The following PRRC2C variants were observed in gnomAD, a reference collection of about 807,000 sequenced individuals.
PRRC2C encodes proline rich coiled-coil 2C.
In PRRC2C, 72 loss-of-function variants were observed where a neutral mutation model predicts 317.2. The observed-to-expected ratio is 0.23, with a 90% confidence interval of 0.19 to 0.28. PRRC2C has a LOEUF of 0.28. Among genes scored for constraint, PRRC2C ranks in the 10% least tolerant of loss-of-function variants. PRRC2C has a pLI of 1.00. For missense variants in PRRC2C, 3,074 were observed against 3,459.7 expected (o/e 0.89, Z 2.80); for synonymous variants, 1,296 against 1,205.9 (o/e 1.07, Z -1.55).
At chr1:171,511,954 G>A in intron 1 of PRRC2C, 78 bp from the exon 2 acceptor site, 1 of 529,972 alleles carries the variant, frequency 1.9e-6, no homozygotes, top group South Asian at 2.5e-5. Context: ...GATATGGGAA[G>A]TTTTTTCAGA....
chr1:171,529,900 G>C (rs1675448580), intron 11 of PRRC2C, among the ~76,000 whole-genome samples: 1 of 151,980 alleles, frequency 6.6e-6, no homozygotes, highest in Non-Finnish European at 1.5e-5. Flanking sequence ...TTATGATCAG[G>C]GTCTCCAGAC....
intron 1 of PRRC2C, among the ~76,000 whole-genome samples, chr1:171,498,897 G>A (rs891046568): frequency 6.6e-6 from 1 of 152,128 alleles, no homozygotes; most frequent in African/African-American, 2.4e-5. Flanking sequence ...GAACTCCTGG[G>A]TTCAAATGGC....
intron 18 of PRRC2C, among the ~76,000 whole-genome samples, chr1:171,556,558 TG>T (rs1475615128): frequency 1.3e-5 from 2 of 152,222 alleles, no homozygotes; most frequent in Admixed American, 6.5e-5. Flanking sequence ...TGTCTTGGAA[TG>T]GCAACGACTA....
chr1:171,587,268 T>C, intron 31 of PRRC2C, 47 bp downstream of exon 31: 1 of 1,500,378 alleles, frequency 6.7e-7, no homozygotes, highest in East Asian at 2.4e-5. Flanking sequence ...TTTAAGGTAG[T>C]GTGTTCAGAT....
At position 171,577,431 on chromosome 1, in the gene PRRC2C, T is replaced by C. The variant is rs1224045895; in HGVS notation, c.6956-3T>C. The C allele has an allele frequency of 3.1e-6, 5 of 1,592,786 alleles. No individual in the cohort carries two copies. The African/African-American group carries it at 4.0e-5, about 13-fold the overall frequency. On this transcript the variant is annotated splice_polypyrimidine_tract_variant and splice_region_variant and intron_variant, in intron 25 of 34. Coordinates refer to ENST00000647382, the MANE Select transcript of PRRC2C (RefSeq NM_001387844.1). ...TCCCCTTTATTTGCTTCCCCAAATA[T>C]AGGAGCTGGTACATACACTACCTCT...
At chr1:171,539,472 T>G (rs900467709) in intron 15 of PRRC2C, among the ~76,000 whole-genome samples, 44 of 152,232 alleles carry the variant, frequency 2.9e-4, no homozygotes, top group African/African-American at 1.0e-3. Flanking sequence ...TATTTCCTAT[T>G]CTTACCTTTA....
At chr1:171,510,724 T>C (rs1251843788) in intron 1 of PRRC2C, 1 of 152,200 alleles carries the variant, frequency 6.6e-6, no homozygotes, top group Non-Finnish European at 1.5e-5. Context: ...AGATGGTTTA[T>C]TGTAAACGTA....
chr1:171,545,108 A>G (rs902027578), intron 16 of PRRC2C, among the ~76,000 whole-genome samples: 3 of 152,186 alleles, frequency 2.0e-5, no homozygotes, highest in Non-Finnish European at 4.4e-5. Flanking sequence ...TATGCTGCCC[A>G]CTTTTGGAGA....
chr1:171,540,216 T>C lies in PRRC2C; in HGVS notation c.2750T>C (p.Val917Ala). 3 of 1,613,862 alleles carry C rather than the reference T, an allele frequency of 1.9e-6. No individual in the cohort carries two copies. Among genetic ancestry groups the C allele is most frequent in the Non-Finnish European group, 2.5e-6 (3 of 1,179,870 alleles). The part of the protein sequence containing the change: ...SAPQEERISA[V>A]ESQPSRKRSV... ...CCTCAAGAGGAGCGGATTTCAGCTG[T>C]AGAAAGTCAGCCTTCCCGGAAAAGA... Residue 917 changes from valine (V) to alanine (A), a missense_variant, in exon 16 of 35, where the codon GTA (valine) becomes GCA (alanine). Val to Ala is a moderately conservative substitution (Grantham distance 64). This residue lies in a region of PRRC2C where 1,320 missense variants were observed against 1,395.7 expected (regional missense o/e 0.95). Coordinates refer to ENST00000647382, the MANE Select transcript of PRRC2C (RefSeq NM_001387844.1).
At position 171,587,723 on chromosome 1, in the gene PRRC2C, A is replaced by C; in HGVS notation, c.8044A>C (p.Ser2682Arg). 1 of 1,612,786 alleles carries C rather than the reference A, an allele frequency of 6.2e-7. No individual in the cohort carries two copies. The highest frequency in any genetic ancestry group is 8.5e-7 in the Non-Finnish European group (1 of 1,178,896). ...KPGTPPIAGR[S>R]TTPTSSPFRA... is the part of the protein sequence containing the mutation. The stretch of plus-strand genomic sequence containing the variant: ...AGGCACACCTCCAATCGCTGGTAGA[A>C]GCACCACACCAACATCTAGTCCCTT... The change falls in exon 32 of 35, where the codon AGC becomes CGC. Residue 2682 changes from serine to arginine, a missense_variant. Physicochemically the swap from Ser to Arg is moderately radical, Grantham distance 110. Coordinates refer to ENST00000647382, the MANE Select transcript of PRRC2C (RefSeq NM_001387844.1).
intron 23 of PRRC2C, 131 bp from the exon 24 acceptor site, chr1:171,571,189 A>C (rs1260795862): frequency 5.2e-6 from 3 of 574,652 alleles, no homozygotes; most frequent in Non-Finnish European, 9.3e-6. Context: ...GTGACTCTTA[A>C]GTAATCACAT....
intron 18 of PRRC2C, among the ~76,000 whole-genome samples, chr1:171,552,388 T>C (rs1055035251): frequency 2.0e-5 from 3 of 152,222 alleles, no homozygotes; most frequent in East Asian, 1.9e-4. Flanking sequence ...TTTCTAAATA[T>C]ACAGTCATGT....
chr1:171,524,379 C>A (rs1373916473), intron 9 of PRRC2C, among the ~76,000 whole-genome samples: 2 of 152,124 alleles, frequency 1.3e-5, no homozygotes, highest in Non-Finnish European at 2.9e-5. Flanking sequence ...TCAGTTATGG[C>A]ATTGTGACAA....
chr1:171,555,379 GT>G (rs1200225798), intron 18 of PRRC2C, among the ~76,000 whole-genome samples: 1 of 152,094 alleles, frequency 6.6e-6, no homozygotes, highest in East Asian at 1.9e-4. Flanking sequence ...TTTTTTCAAG[GT>G]TTTTAGTTTC....
At position 171,587,684 on chromosome 1, in the gene PRRC2C, A is replaced by G. The variant is rs763477433; in HGVS notation, c.8005A>G (p.Ile2669Val). The G allele has an allele frequency of 5.0e-6, 8 of 1,613,326 alleles. No homozygotes were observed. In the South Asian group the frequency reaches 8.8e-5, roughly 18 times the overall value. Residue 2669 changes from isoleucine to valine, a missense_variant, in exon 32 of 35, where the codon ATT becomes GTT. By Grantham distance (29) the Ile-to-Val change is conservative (BLOSUM62 3). This residue lies in a region of PRRC2C where 490 missense variants were observed against 663.1 expected (regional missense o/e 0.74). Coordinates refer to ENST00000647382, the MANE Select transcript of PRRC2C (RefSeq NM_001387844.1). The part of the protein sequence containing the change: ...EMELKAFGSG[I>V]DIKPGTPPIA... The stretch of plus-strand genomic sequence containing the variant: ...GGAACTAAAAGCCTTTGGAAGTGGC[A>G]TTGATATAAAACCAGGCACACCTCC...
At position 171,587,639 on chromosome 1, in the gene PRRC2C, TCTC is replaced by T; in HGVS notation, c.7969-5_7969-3del. The T allele has an allele frequency of 6.4e-7, 1 of 1,563,964 alleles. No homozygotes were observed. On this transcript the variant is annotated splice_polypyrimidine_tract_variant and splice_region_variant and intron_variant, in intron 31 of 34. Transcript: ENST00000647382. ...AGAAATGTTAAGTTTATTTTATGCT[TCTC>T]CTCAGATGTCTGAAATGGAACTAAA...
intron 19 of PRRC2C, 67 bp from the exon 20 acceptor site, chr1:171,560,951 G>T: frequency 7.8e-7 from 1 of 1,283,858 alleles, no homozygotes; most frequent in Non-Finnish European, 1.1e-6. Flanking sequence ...TAAGGAAAGG[G>T]TTAAATGGGT....
chr1:171,532,236 A>G, intron 11 of PRRC2C, 107 bp from the exon 12 acceptor site: 1 of 1,180,634 alleles, frequency 8.5e-7, no homozygotes, highest in Non-Finnish European at 1.2e-6. Flanking sequence ...TATGTTCATC[A>G]GAGAAATTTC....
At chr1:171,519,772 A>G (rs1257485733) in intron 6 of PRRC2C, among the ~76,000 whole-genome samples, 2 of 152,204 alleles carry the variant, frequency 1.3e-5, no homozygotes, top group African/African-American at 4.8e-5. Flanking sequence ...TGAATCCTAA[A>G]TATCCATCAT....
Sources: gnomAD v4.1 joint callset for allele counts (sites outside exome capture counted in the v4.1 genomes callset) on GRCh38, gnomAD v4.1.1 for gene constraint, gnomAD v4.1.1 regional missense constraint, MANE v1.5 for transcripts, NCBI Gene and HGNC (gene_info 2026-07-23, HGNC 2026-07-21) for gene names.